PLPPR5: variants seen among roughly 807,000 people sequenced by gnomAD.
The protein encoded by PLPPR5 is phospholipid phosphatase related 5.
A neutral mutation model predicts 33.9 loss-of-function variants in PLPPR5; 16 were observed. The ratio of observed to expected loss-of-function variants is 0.47; its 90% confidence interval spans 0.32 to 0.72. The LOEUF (loss-of-function observed/expected upper bound fraction) is 0.72. PLPPR5 is among the 30% of genes least tolerant of loss of function. The pLI, the probability that PLPPR5 is intolerant of heterozygous loss-of-function variation, is 0.03. For synonymous variants in PLPPR5, 163 were observed against 150.3 expected, an observed-to-expected ratio of 1.08 and a Z score of -0.62; for missense variants, 301 against 406.7, an observed-to-expected ratio of 0.74 and a Z score of 2.23.
At chr1:98,970,860 C>G (rs1557688216) in intron 1 of PLPPR5, among the ~76,000 whole-genome samples, 1 of 152,064 alleles carries the variant, frequency 6.6e-6, no homozygotes, top group Non-Finnish European at 1.5e-5. Context: ...CTTTATCACT[C>G]AATGTCAAAC....
At chr1:98,975,957 T>C (rs1651832423) in intron 1 of PLPPR5, among the ~76,000 whole-genome samples, 1 of 151,828 alleles carries the variant, frequency 6.6e-6, no homozygotes, top group Non-Finnish European at 1.5e-5. Context: ...GTAATATATA[T>C]ATACTAAGAG....
chr1:98,959,865 C>T (rs1289142919), intron 1 of PLPPR5, among the ~76,000 whole-genome samples: 1 of 152,086 alleles, frequency 6.6e-6, no homozygotes, highest in African/African-American at 2.4e-5. Flanking sequence ...AGTTTTCAAA[C>T]AGAGAGTTGC....
At chr1:98,989,084 G>T (rs77891812) in intron 1 of PLPPR5, among the ~76,000 whole-genome samples, 1 of 152,054 alleles carries the variant, frequency 6.6e-6, no homozygotes, top group Non-Finnish European at 1.5e-5. Context: ...GAACAGGGAG[G>T]AGTCTGTGCA....
At chr1:98,926,658 A>C (rs1649778680) in intron 3 of PLPPR5, among the ~76,000 whole-genome samples, 1 of 152,080 alleles carries the variant, frequency 6.6e-6, no homozygotes. Flanking sequence ...AAAATATTTT[A>C]CCCTGTCAAC....
intron 3 of PLPPR5, among the ~76,000 whole-genome samples, chr1:98,946,419 T>G (rs748661698): frequency 3.3e-5 from 5 of 152,186 alleles, no homozygotes; most frequent in Non-Finnish European, 5.9e-5. Context: ...TACAAAGTCT[T>G]CCTGATTTAT....
At chr1:98,915,067 T>C (rs1286134717) in intron 4 of PLPPR5, 147 bp from the exon 5 acceptor site, 2 of 672,876 alleles carry the variant, frequency 3.0e-6, no homozygotes, top group East Asian at 3.0e-5. Context: ...TCCAGATTTA[T>C]TGTATTCATT....
intron 1 of PLPPR5, among the ~76,000 whole-genome samples, chr1:98,998,374 C>T (rs1652702829): frequency 6.6e-6 from 1 of 152,130 alleles, no homozygotes; most frequent in Admixed American, 6.5e-5. Context: ...GTGTGTGTTA[C>T]TGAGATGAGA....
chr1:98,970,003 C>A (rs1469040022), intron 1 of PLPPR5, among the ~76,000 whole-genome samples: 1 of 152,042 alleles, frequency 6.6e-6, no homozygotes, highest in African/African-American at 2.4e-5. Context: ...TCATACAGAT[C>A]ATTCCCTTGA....
chr1:99,002,948 A>G (rs1348079069), intron 1 of PLPPR5, among the ~76,000 whole-genome samples: 2 of 149,872 alleles, frequency 1.3e-5, no homozygotes, highest in East Asian at 4.0e-4. Context: ...AGGGCCCCCA[A>G]AAATCGACCT....
chr1:98,942,244 T>C (rs560967006), intron 3 of PLPPR5, among the ~76,000 whole-genome samples: 2 of 152,172 alleles, frequency 1.3e-5, no homozygotes, highest in Non-Finnish European at 2.9e-5. Flanking sequence ...TAATATTTTT[T>C]TGTATTTTTA....
chr1:98,929,034 C>A (rs771457654), intron 3 of PLPPR5, among the ~76,000 whole-genome samples: 7 of 151,940 alleles, frequency 4.6e-5, no homozygotes, highest in African/African-American at 1.5e-4. Context: ...TTAGGAGATT[C>A]CGTATTTAGT....
intron 2 of PLPPR5, among the ~76,000 whole-genome samples, chr1:98,953,968 C>T (rs1236181844): frequency 6.6e-6 from 1 of 152,138 alleles, no homozygotes; most frequent in African/African-American, 2.4e-5. Flanking sequence ...CTTATATGGA[C>T]TGGCTTCCAA....
intron 1 of PLPPR5, among the ~76,000 whole-genome samples, chr1:98,986,151 A>C (rs574077937): frequency 3.2e-4 from 49 of 152,004 alleles, no homozygotes; most frequent in Admixed American, 5.9e-4. Flanking sequence ...TTTATGAAAC[A>C]TCTGAGTCAT....
chr1:98,936,208 C>T (rs892678823), intron 3 of PLPPR5, among the ~76,000 whole-genome samples: 3 of 152,176 alleles, frequency 2.0e-5, no homozygotes, highest in African/African-American at 7.2e-5. Context: ...TAGCACAGTA[C>T]TGGCATAAAT....
intron 4 of PLPPR5, among the ~76,000 whole-genome samples, chr1:98,920,669 T>C (rs1649518496): frequency 6.7e-6 from 1 of 150,202 alleles, no homozygotes; most frequent in Non-Finnish European, 1.5e-5. Context: ...AGGAAATAAC[T>C]TATTTAAAAT....
At chr1:98,897,279 A>T (rs1648515831) in intron 5 of PLPPR5, among the ~76,000 whole-genome samples, 2 of 152,210 alleles carry the variant, frequency 1.3e-5, no homozygotes, top group Non-Finnish European at 2.9e-5. Context: ...GAAGGTGTTC[A>T]CAGTGGCTTA....
intron 3 of PLPPR5, among the ~76,000 whole-genome samples, chr1:98,942,267 T>A (rs994597918): frequency 6.6e-6 from 1 of 151,972 alleles, no homozygotes; most frequent in Admixed American, 6.6e-5. Flanking sequence ...AGAGATGGAG[T>A]TTCACCCTCA....
intron 1 of PLPPR5, among the ~76,000 whole-genome samples, chr1:98,987,404 C>G (rs1206393411): frequency 6.6e-6 from 1 of 151,776 alleles, no homozygotes; most frequent in East Asian, 1.9e-4. Flanking sequence ...AAAATCTGAT[C>G]TGTTATTAGT....
intron 5 of PLPPR5, among the ~76,000 whole-genome samples, chr1:98,896,834 CTG>C (rs1557660604): frequency 6.8e-6 from 1 of 147,476 alleles, no homozygotes; most frequent in East Asian, 1.9e-4. Flanking sequence ...AAAATACAGT[CTG>C]TAATTTAAAA....
Sources: gnomAD v4.1 joint callset for allele counts (sites outside exome capture counted in the v4.1 genomes callset) on GRCh38, gnomAD v4.1.1 for gene constraint, MANE v1.5 for transcripts, NCBI Gene and HGNC (gene_info 2026-07-23, HGNC 2026-07-21) for gene names.